PRRX1: variants seen among roughly 807,000 people sequenced by gnomAD.
The protein encoded by PRRX1 is paired mesoderm homeobox protein 1.
A neutral mutation model predicts 24.0 loss-of-function variants in PRRX1; 8 were observed. The ratio of observed to expected loss-of-function variants is 0.33; its 90% CI spans 0.20 to 0.60. The LOEUF (loss-of-function observed/expected upper bound fraction) is 0.60, where lower values mean the gene tolerates loss of function less well. Among genes scored for constraint, PRRX1 ranks in the 20% least tolerant of loss-of-function variants. The pLI is 0.82. For missense variants in PRRX1, 281 were observed against 322.4 expected (o/e 0.87, Z 0.98); for synonymous variants, 160 against 131.7 (o/e 1.22, Z -1.47).
In PRRX1 at chr1:170,739,140, A is replaced by T. The variant is rs1444594501; in HGVS notation, c.*2954A>T. 2 of 211,680 alleles carry T rather than the reference A, an allele frequency of 9.4e-6. No homozygotes were observed. The highest frequency in any genetic ancestry group is 4.5e-5 in the African/African-American group (2 of 44,104). The allele number at this position is 211,680 out of a possible 1,614,324, so 13.1% of individuals were successfully genotyped here. A position where few individuals can be genotyped will look rare whatever the true frequency, so the allele number is the denominator to read the frequency against. ...TAACCCTGTTCCTCACCATCATGAT[A>T]CCAGATACAGGTGAATACATAGGAA... On this transcript the variant is annotated 3_prime_UTR_variant, in exon 4 of 4. Coordinates refer to ENST00000239461, the MANE Select transcript of PRRX1 (RefSeq NM_022716.4).
chr1:170,668,393 T>A (rs907977952), intron 1 of PRRX1: 3 of 152,218 alleles, frequency 2.0e-5, no homozygotes, highest in Admixed American at 6.5e-5. Flanking sequence ...TAATAAGACC[T>A]TTTGTTGGAA....
chr1:170,724,820 T>C (rs915440755), intron 2 of PRRX1, among the ~76,000 whole-genome samples: 3 of 152,200 alleles, frequency 2.0e-5, no homozygotes, highest in African/African-American at 7.2e-5. Flanking sequence ...CTGTGAACAA[T>C]GTGAATGGTA....
At chr1:170,695,754 G>T (rs1654145552) in intron 1 of PRRX1, among the ~76,000 whole-genome samples, 1 of 152,116 alleles carries the variant, frequency 6.6e-6, no homozygotes, top group African/African-American at 2.4e-5. Flanking sequence ...TTCTTTGTGT[G>T]ATCAGTATGA....
chr1:170,672,124 C>T (rs1558043335), intron 1 of PRRX1, among the ~76,000 whole-genome samples: 1 of 152,230 alleles, frequency 6.6e-6, no homozygotes, highest in East Asian at 1.9e-4. Flanking sequence ...TACCTAAAGC[C>T]ATTTCCAATC....
chr1:170,663,387 AC>A (rs1213779711), upstream of PRRX1: 1 of 152,174 alleles, frequency 6.6e-6, no homozygotes, highest in African/African-American at 2.4e-5. Flanking sequence ...TCTTGATCCA[AC>A]TGAGAAGGAA....
At chr1:170,710,281 G>T (rs1332171310) in intron 1 of PRRX1, among the ~76,000 whole-genome samples, 2 of 152,078 alleles carry the variant, frequency 1.3e-5, no homozygotes, top group Non-Finnish European at 2.9e-5. Context: ...TTTTTATTAG[G>T]CTAGGCATTG....
intron 3 of PRRX1, chr1:170,728,498 A>T (rs763931790): frequency 6.6e-6 from 1 of 152,110 alleles, no homozygotes; most frequent in Non-Finnish European, 1.5e-5. Flanking sequence ...ATTATTTTGT[A>T]TTCTGCTCTT....
rs1157204401 is a variant in PRRX1 at position 170,737,490 on chromosome 1, TAGAG to T, written c.*1309_*1312del. 9.8e-6 allele frequency: 2 copies of T among 204,356 alleles called. No individual in the cohort carries two copies. Among genetic ancestry groups the T allele is most frequent in the Non-Finnish European group, 2.0e-5 (2 of 99,760 alleles). The allele number at this position is 204,356 out of a possible 1,614,324, so 12.7% of individuals were successfully genotyped here. On this transcript the variant is annotated 3_prime_UTR_variant, in exon 4 of 4. Coordinates refer to ENST00000239461, the MANE Select transcript of PRRX1 (RefSeq NM_022716.4). ...TCTGATCTATCATGGGAATTGCAGT[TAGAG>T]AGAGTAAGGAATACCATTTAGTCAT...
intron 1 of PRRX1, among the ~76,000 whole-genome samples, chr1:170,695,645 A>G (rs1160137659): frequency 6.6e-6 from 1 of 152,140 alleles, no homozygotes; most frequent in Admixed American, 6.6e-5. Context: ...AAACATATCA[A>G]TTCCAATCAA....
At chr1:170,702,423 T>C (rs554772152) in intron 1 of PRRX1, among the ~76,000 whole-genome samples, 1 of 152,290 alleles carries the variant, frequency 6.6e-6, no homozygotes, top group Non-Finnish European at 1.5e-5. Flanking sequence ...ACAATTGTAC[T>C]CTCTACTTGG....
chr1:170,666,878 G>C (rs1186746370), intron 1 of PRRX1, among the ~76,000 whole-genome samples: 1 of 152,010 alleles, frequency 6.6e-6, no homozygotes, highest in African/African-American at 2.4e-5. Context: ...GCTATGGAGC[G>C]CCCCCGAGCA....
rs1289974282 is a variant in PRRX1 at position 170,664,284 on chromosome 1, G to A, written c.66G>A (p.Pro22=). ...QPALGGRLDS[P]GNLDTLQAKK... ...CGCTGGGCGGCCGCTTGGACAGCCCGGGCAACCTCGACACCCTGCAGGCGA... is the reference window on the plus strand; with the variant it reads ...CGCTGGGCGGCCGCTTGGACAGCCCAGGCAACCTCGACACCCTGCAGGCGA... The change falls in exon 1 of 4, where the codon CCG becomes CCA. Residue 22 remains proline, a synonymous_variant. Coordinates refer to ENST00000239461, the MANE Select transcript of PRRX1 (RefSeq NM_022716.4). 1.2e-6 allele frequency: 2 copies of A among 1,613,216 alleles called. No homozygotes were observed. Among genetic ancestry groups the A allele is most frequent in the South Asian group, 2.2e-5 (2 of 90,784 alleles).
intron 1 of PRRX1, among the ~76,000 whole-genome samples, chr1:170,694,047 G>A (rs1308886465): frequency 6.6e-6 from 1 of 151,984 alleles, no homozygotes; most frequent in African/African-American, 2.4e-5. Context: ...GAGGAAAGTT[G>A]TCGCCACGAA....
At position 170,739,087 on chromosome 1, in the gene PRRX1, G is replaced by T. The variant is rs1408067500; in HGVS notation, c.*2901G>T. On this transcript the variant is annotated 3_prime_UTR_variant, in exon 4 of 4. Transcript: ENST00000239461. ...GGATCTTAAGCCAGTTGTCAGTGGA[G>T]GTCCTCAGGGCTGCAAATGTCAAGA... 1.4e-5 allele frequency: 3 copies of T among 215,296 alleles called. No individual in the cohort carries two copies. In the Admixed American group the frequency reaches 1.7e-4, roughly 13 times the overall value. 13.3% of individuals were successfully genotyped at this position (215,296 alleles called of 1,614,324 possible).
chr1:170,705,935 T>TACAC (rs71125270), intron 1 of PRRX1, among the ~76,000 whole-genome samples: 16,802 of 146,350 alleles, frequency 0.11, 1,213 homozygotes, highest in Admixed American at 0.22. Context: ...CACACACACA[T>TACAC]ACACACACAC....
intron 1 of PRRX1, among the ~76,000 whole-genome samples, chr1:170,699,296 A>C (rs1320050226): frequency 6.6e-6 from 1 of 152,192 alleles, no homozygotes; most frequent in African/African-American, 2.4e-5. Flanking sequence ...AGTGAACATT[A>C]ATAAGGATTT....
intron 1 of PRRX1, among the ~76,000 whole-genome samples, chr1:170,702,133 T>C (rs766392456): frequency 1.3e-5 from 2 of 152,188 alleles, no homozygotes; most frequent in East Asian, 3.9e-4. Context: ...ACAATAGGGT[T>C]TCTACTCGTA....
chr1:170,670,396 C>T (rs1380579584), intron 1 of PRRX1, among the ~76,000 whole-genome samples: 2 of 152,150 alleles, frequency 1.3e-5, no homozygotes, highest in African/African-American at 4.8e-5. Flanking sequence ...CAAACGGCTG[C>T]CATGCCTCCT....
intron 1 of PRRX1, among the ~76,000 whole-genome samples, chr1:170,664,919 G>A (rs993438925): frequency 2.0e-5 from 3 of 152,216 alleles, no homozygotes; most frequent in Non-Finnish European, 2.9e-5. Flanking sequence ...ATGACGGCTT[G>A]AGGGAGGGCA....
Sources: allele counts gnomAD v4.1 joint callset (sites outside exome capture counted in the v4.1 genomes callset), GRCh38; gene constraint gnomAD v4.1.1; transcripts MANE v1.5; gene names NCBI Gene and HGNC (gene_info 2026-07-23, HGNC 2026-07-21).